The following SURF6 variants were observed in gnomAD, a reference collection of about 807,000 sequenced individuals.
The protein encoded by SURF6 is surfeit locus protein 6.
A neutral mutation model predicts 37.5 loss-of-function variants in SURF6; 28 were observed. The observed-to-expected ratio is 0.75, with a 90% CI of 0.55 to 1.02. SURF6 has a LOEUF of 1.02. Ranked by LOEUF, SURF6 falls within the 50% of genes least tolerant of loss-of-function variation. The pLI, the probability that SURF6 is intolerant of heterozygous loss-of-function variation, is 0.00. For synonymous variants in SURF6, 248 were observed against 210.9 expected (o/e 1.18, Z -1.52); for missense variants, 560 against 490.5 (o/e 1.14, Z -1.34).
At chr9:133,334,247 C>G in intron 2 of SURF6, 145 bp downstream of exon 2, 1 of 730,932 alleles carries the variant, frequency 1.4e-6, no homozygotes, top group Non-Finnish European at 2.2e-6. Flanking sequence ...CCCTAGCACT[C>G]CTGTGATCTT....
At chr9:133,335,357 A>G (rs1241494209) in intron 1 of SURF6, among the ~76,000 whole-genome samples, 1 of 152,046 alleles carries the variant, frequency 6.6e-6, no homozygotes, top group African/African-American at 2.4e-5. Flanking sequence ...TGAGAAAGAC[A>G]GACGGAAGAC....
intron 1 of SURF6, 70 bp downstream of exon 1, chr9:133,335,969 G>A: frequency 1.5e-6 from 2 of 1,324,794 alleles, no homozygotes; most frequent in African/African-American, 1.5e-5. Flanking sequence ...TTACAGACTC[G>A]TCTACACCGG....
Position 133,336,045 on chromosome 9 carries a change from T to A in SURF6, c.88A>T (p.Thr30Ser). 1 of 1,611,302 alleles carries A rather than the reference T, an allele frequency of 6.2e-7. No homozygotes were observed. The highest frequency in any genetic ancestry group is 8.5e-7 in the Non-Finnish European group (1 of 1,179,770). ...GCCCGGCCCTGTGCGTTACCCCGCG[T>A]GCGCGCCTGCTGTTCCGGGGCCGAA... is the stretch of plus-strand genomic sequence containing the variant. ...SHSAPEQQARTRAGKTQGSET... is the reference protein window; with the variant it reads ...SHSAPEQQARSRAGKTQGSET... Residue 30 changes from threonine to serine, a missense_variant, in exon 1 of 5, where the codon ACG becomes TCG. Thr to Ser is a moderately conservative substitution (Grantham distance 58, BLOSUM62 1). Coordinates refer to ENST00000372022, the MANE Select transcript of SURF6 (RefSeq NM_006753.6).
intron 3 of SURF6, among the ~76,000 whole-genome samples, chr9:133,333,457 C>A (rs145830851): frequency 1.3e-5 from 2 of 152,166 alleles, no homozygotes; most frequent in Admixed American, 6.5e-5. Context: ...AGGACTATTA[C>A]GACATTCAGA....
chr9:133,334,703 G>C (rs2129928873), intron 1 of SURF6, 102 bp from the exon 2 acceptor site: 16 of 1,399,522 alleles, frequency 1.1e-5, no homozygotes, highest in African/African-American at 2.9e-5. Context: ...TGCCGAAAGA[G>C]GATCAGGATC....
chr9:133,330,121 T>C lies in SURF6; in HGVS notation c.*1748A>G, dbSNP rs1267770343. 6.6e-6 allele frequency: 1 copy of C among 152,252 alleles called. No individual in the cohort carries two copies. Among genetic ancestry groups the C allele is most frequent in the East Asian group, 1.9e-4 (1 of 5,206 alleles). The allele number at this position is 152,252 out of a possible 1,614,324, so 9.4% of individuals were successfully genotyped here. A position where few individuals can be genotyped will look rare whatever the true frequency, so the allele number is the denominator to read the frequency against. On this transcript the variant is annotated 3_prime_UTR_variant, in exon 5 of 5. Coordinates refer to ENST00000372022, the MANE Select transcript of SURF6 (RefSeq NM_006753.6). ...CTTAAGCTGCATGCTTATTTTTCTT[T>C]AGCTTTAAAAATACAGACATACAGC...
Position 133,331,756 on chromosome 9 carries a change from C to T in SURF6, c.*113G>A, listed in dbSNP as rs1348910375. 2.1e-5 allele frequency: 29 copies of T among 1,379,476 alleles called. No homozygotes were observed. Among genetic ancestry groups the T allele is most frequent in the Non-Finnish European group, 2.7e-5 (29 of 1,061,252 alleles). The allele number at this position is 1,379,476 out of a possible 1,614,324, so 85.5% of individuals were successfully genotyped here. A position where few individuals can be genotyped will look rare whatever the true frequency, so the allele number is the denominator to read the frequency against. ...CAGCAGAGCACCACTGTGTCCCCCT[C>T]ACATGGAGAGGCCGAGGTCTGTGGA... On this transcript the variant is annotated 3_prime_UTR_variant, in exon 5 of 5. Coordinates refer to ENST00000372022, the MANE Select transcript of SURF6 (RefSeq NM_006753.6).
chr9:133,335,826 AGATCGCGTCGCTGCACGC>A (rs2129932751), intron 1 of SURF6, among the ~76,000 whole-genome samples, 195 bp downstream of exon 1: 69 of 152,284 alleles, frequency 4.5e-4, no homozygotes, highest in African/African-American at 1.6e-3. Flanking sequence ...CAGTGAGCCG[AGATCGCGTCGCTGCACGC>A]CAGCCTGGAC....
intron 1 of SURF6, 30 bp from the exon 2 acceptor site, chr9:133,334,631 C>A: frequency 6.3e-7 from 1 of 1,599,812 alleles, no homozygotes. Context: ...AGAGTTAAGT[C>A]CCAATCTCAT....
rs2129915979 is a variant in SURF6 at position 133,332,184 on chromosome 9, A to T, written c.771T>A (p.Asp257Glu). The change falls in exon 5 of 5, where the codon GAT becomes GAA. Residue 257 changes from aspartate (D) to glutamate (E), a missense_variant. Asp to Glu is a conservative substitution (Grantham distance 45). Coordinates refer to ENST00000372022, the MANE Select transcript of SURF6 (RefSeq NM_006753.6). ...QSRLDELRGQ[D>E]EGKAQELEAK... Reference sequence around the variant, plus strand: ...CCTCCAGCTCCTGCGCCTTCCCCTCATCCTGGCCGCGCAGCTCGTCCAGCC... The same window carrying T: ...CCTCCAGCTCCTGCGCCTTCCCCTCTTCCTGGCCGCGCAGCTCGTCCAGCC... 2 of 1,609,648 alleles carry T rather than the reference A, an allele frequency of 1.2e-6. No individual in the cohort carries two copies. The highest frequency in any genetic ancestry group is 1.7e-6 in the Non-Finnish European group (2 of 1,179,864).
rs2129905499 is a variant in SURF6 at position 133,330,213 on chromosome 9, T to G, written c.*1656A>C. 50 of 152,358 alleles carry G rather than the reference T, an allele frequency of 3.3e-4. No individual in the cohort carries two copies. Among genetic ancestry groups the G allele is most frequent in the African/African-American group, 1.2e-3 (49 of 41,588 alleles). The allele number at this position is 152,358 out of a possible 1,614,324, so 9.4% of individuals were successfully genotyped here. On this transcript the variant is annotated 3_prime_UTR_variant, in exon 5 of 5. Transcript: ENST00000372022. ...TACATTTAGGGGCTATGTTTTTTTG[T>G]GCTGCTTTAGCTCTGTTCCACAAAT...
Position 133,336,067 on chromosome 9 carries a change from C to G in SURF6, c.66G>C (p.Ser22=). 6.2e-7 allele frequency: 1 copy of G among 1,612,518 alleles called. No individual in the cohort carries two copies. Among genetic ancestry groups the G allele is most frequent in the South Asian group, 1.1e-5 (1 of 91,052 alleles). The change falls in exon 1 of 5, where the codon TCG becomes TCC. Residue 22 remains serine, a synonymous_variant. Coordinates refer to ENST00000372022, the MANE Select transcript of SURF6 (RefSeq NM_006753.6). ...QSLAKKICSH[S]APEQQARTRA... is the part of the protein sequence containing the mutation. ...GCGTGCGCGCCTGCTGTTCCGGGGC[C>G]GAATGGGAGCAGATCTTCTTGGCCA...
chr9:133,328,967 G>T lies in SURF6; in HGVS notation c.*2902C>A. ...GAGACCACTACTACCAATGCTCGGA[G>T]ACCGGTAGTGGCCCCGAATGTCTGG... On this transcript the variant is annotated 3_prime_UTR_variant, in exon 5 of 5. Coordinates refer to ENST00000372022, the MANE Select transcript of SURF6 (RefSeq NM_006753.6). 1.3e-5 allele frequency: 2 copies of T among 154,588 alleles called. No individual in the cohort carries two copies. The highest frequency in any genetic ancestry group is 3.6e-4 in the South Asian group (2 of 5,582). 9.6% of individuals were successfully genotyped at this position (154,588 alleles called of 1,614,324 possible).
At chr9:133,333,010 A>G (rs1360885539) in intron 3 of SURF6, 5 of 570,030 alleles carry the variant, frequency 8.8e-6, no homozygotes, top group African/African-American at 7.5e-5. Flanking sequence ...AGGATACATT[A>G]CGCACATGGT....
rs2119041172 is a variant in SURF6 at position 133,331,988 on chromosome 9, C to A, written c.967G>T (p.Asp323Tyr). 1 of 1,598,434 alleles carries A rather than the reference C, an allele frequency of 6.3e-7. No homozygotes were observed. The highest frequency in any genetic ancestry group is 8.5e-7 in the Non-Finnish European group (1 of 1,178,792). Residue 323 changes from aspartate to tyrosine, a missense_variant, in exon 5 of 5, where the codon GAC becomes TAC. Asp to Tyr is a radical substitution (Grantham distance 160). Coordinates refer to ENST00000372022, the MANE Select transcript of SURF6 (RefSeq NM_006753.6). ...GVVEKMQQRQ[D>Y]RRRQNLRRKK... The stretch of plus-strand genomic sequence containing the variant: ...CTGCGCAGGTTCTGCCGCCGCCGGT[C>A]CTGGCGCTGCTGCATCTTCTCCACC...
Position 133,332,750 on chromosome 9 carries a change from T to C in SURF6, c.404A>G (p.Lys135Arg), listed in dbSNP as rs1339969327. ...IQEARGQGSA[K>R]ELSPAALEKR... is the part of the protein sequence containing the mutation. Reference sequence around the variant, plus strand: ...CTCCAAGGCGGCAGGGGACAGCTCCTTGGCACTGCCCTGGGGGAAAGAGGC... The same window carrying C: ...CTCCAAGGCGGCAGGGGACAGCTCCCTGGCACTGCCCTGGGGGAAAGAGGC... The change falls in exon 4 of 5, where the codon AAG becomes AGG. Residue 135 changes from lysine to arginine, a missense_variant. Transcript: ENST00000372022. 3.1e-6 allele frequency: 5 copies of C among 1,610,770 alleles called. No homozygotes were observed. The highest frequency in any genetic ancestry group is 2.2e-5 in the East Asian group (1 of 44,884).
chr9:133,334,186 C>A (rs936618693), intron 2 of SURF6, among the ~76,000 whole-genome samples: 1 of 152,208 alleles, frequency 6.6e-6, no homozygotes, highest in South Asian at 2.1e-4. Context: ...CCCCTGACAT[C>A]CTGCTAGCCA....
At position 133,330,868 on chromosome 9, in the gene SURF6, T is replaced by C. The variant is rs1835708245; in HGVS notation, c.*1001A>G. The C allele has an allele frequency of 6.6e-6, 1 of 152,234 alleles. No individual in the cohort carries two copies. The highest frequency in any genetic ancestry group is 6.5e-5 in the Admixed American group (1 of 15,288). The allele number at this position is 152,234 out of a possible 1,614,324, so 9.4% of individuals were successfully genotyped here. A position where few individuals can be genotyped will look rare whatever the true frequency, so the allele number is the denominator to read the frequency against. ...GGAAAGAGTATGTATTCTTTTCAGA[T>C]ACTGTTGTGTCTGTCTCTCAGCTCA... On this transcript the variant is annotated 3_prime_UTR_variant, in exon 5 of 5. Coordinates refer to ENST00000372022, the MANE Select transcript of SURF6 (RefSeq NM_006753.6).
At chr9:133,335,655 C>T (rs1056620346) in intron 1 of SURF6, among the ~76,000 whole-genome samples, 6 of 150,962 alleles carry the variant, frequency 4.0e-5, no homozygotes, top group Admixed American at 6.6e-5. Flanking sequence ...AGTGAAGGGA[C>T]TGAAAGGGTC....
Sources: gnomAD v4.1 joint callset for allele counts (sites outside exome capture counted in the v4.1 genomes callset) on GRCh38, gnomAD v4.1.1 for gene constraint, MANE v1.5 for transcripts, NCBI Gene and HGNC (gene_info 2026-07-23, HGNC 2026-07-21) for gene names.